L3MBTL4: variants seen among roughly 807,000 people sequenced by gnomAD.
The protein encoded by L3MBTL4 is lethal(3)malignant brain tumor-like protein 4.
L3MBTL4 carries 70 observed loss-of-function variants against 84.5 expected under a neutral mutation model. The ratio of observed to expected loss-of-function variants is 0.83; its 90% CI spans 0.68 to 1.01. The LOEUF is 1.01. Ranked by LOEUF, L3MBTL4 falls within the 50% of genes least tolerant of loss-of-function variation. The probability of loss-of-function intolerance (pLI) is 0.00; values close to 1 mark genes in which losing one functional copy is unlikely to be tolerated. For missense variants in L3MBTL4, 715 were observed against 754.8 expected, an observed-to-expected ratio of 0.95 and a Z score of 0.62; for synonymous variants, 274 against 259.8, an observed-to-expected ratio of 1.05 and a Z score of -0.52.
intron 12 of L3MBTL4, among the ~76,000 whole-genome samples, chr18:6,186,309 T>C (rs903830146): frequency 5.9e-5 from 9 of 152,046 alleles, no homozygotes; most frequent in African/African-American, 2.2e-4. Flanking sequence ...CCCAAAGTGC[T>C]GGGATTACAG....
chr18:5,967,851 A>C (rs1368560535), intron 17 of L3MBTL4, among the ~76,000 whole-genome samples: 1 of 152,240 alleles, frequency 6.6e-6, no homozygotes, highest in Non-Finnish European at 1.5e-5. Context: ...GAATGGCAGG[A>C]CAAGCAAGGG....
chr18:6,138,286 G>A lies in L3MBTL4; in HGVS notation c.1107C>T (p.Asp369=). 6.2e-7 allele frequency: 1 copy of A among 1,609,652 alleles called. No individual in the cohort carries two copies. Among genetic ancestry groups the A allele is most frequent in the Non-Finnish European group, 8.5e-7 (1 of 1,177,306 alleles). ...CAGCTTGACCTGGAAGGATCTTCAG[G>A]TCATTCGTTCCTTCAGGAAGTAAAA... ...HPLEVPQRTN[D]LKILPGQAVC... The change falls in exon 14 of 19, where the codon GAC becomes GAT. Residue 369 remains aspartate (D), a synonymous_variant. Transcript: ENST00000317931.
intron 1 of L3MBTL4, among the ~76,000 whole-genome samples, chr18:6,352,697 A>C (rs549669103): frequency 6.6e-6 from 1 of 152,364 alleles, no homozygotes; most frequent in East Asian, 1.9e-4. Flanking sequence ...TTCTGCCAGG[A>C]AAATGCAAAG....
chr18:6,238,987 C>T (rs1186475983), intron 9 of L3MBTL4, among the ~76,000 whole-genome samples: 1 of 151,790 alleles, frequency 6.6e-6, no homozygotes, highest in Non-Finnish European at 1.5e-5. Flanking sequence ...TACATTTTCT[C>T]TGCTCCCCAT....
At chr18:6,301,605 C>T (rs2050342361) in intron 4 of L3MBTL4, among the ~76,000 whole-genome samples, 1 of 152,110 alleles carries the variant, frequency 6.6e-6, no homozygotes, top group Non-Finnish European at 1.5e-5. Context: ...AACTAAATAG[C>T]ATCTCTTTAT....
chr18:6,315,089 A>G (rs401127), intron 1 of L3MBTL4, among the ~76,000 whole-genome samples: 7,419 of 152,336 alleles, frequency 0.049, 207 homozygotes, highest in East Asian at 0.11. Flanking sequence ...ACATGCCATT[A>G]AAAAATTACA....
At chr18:6,055,050 A>ACTCAGTATGACAGTAAG (rs1158874911) in intron 16 of L3MBTL4, among the ~76,000 whole-genome samples, 1 of 152,242 alleles carries the variant, frequency 6.6e-6, no homozygotes, top group Non-Finnish European at 1.5e-5. Context: ...AGACAGTATG[A>ACTCAGTATGACAGTAAG]CTAGATACCT....
rs114531354 is a variant in L3MBTL4, at chr18:5,971,596, C to A, written c.1445-2034G>T. Among the ~76,000 whole-genome samples the A allele has an allele frequency of 7.3e-3, 1,105 of 152,194 alleles. 17 individuals are homozygous for A. The highest frequency in any genetic ancestry group is 0.025 in the African/African-American group (1,049 of 41,516). ...GATGGTGATTAGATTTCTGTGATTC[C>A]CAAATGAAAGCTGAAGTCATTAAAA... On this transcript the variant is annotated intron_variant, in intron 16 of 18. Transcript: ENST00000317931.
At chr18:6,087,815 T>C (rs1490617619) in intron 15 of L3MBTL4, among the ~76,000 whole-genome samples, 1 of 152,226 alleles carries the variant, frequency 6.6e-6, no homozygotes, top group Non-Finnish European at 1.5e-5. Context: ...TAGTCTCTTC[T>C]ATGTGCCAGG....
intron 10 of L3MBTL4, among the ~76,000 whole-genome samples, chr18:6,235,866 ATAG>A (rs1246099293): frequency 1.3e-5 from 2 of 152,230 alleles, no homozygotes; most frequent in African/African-American, 4.8e-5. Context: ...GAAGAATAAA[ATAG>A]TAGCAAATTT....
intron 10 of L3MBTL4, among the ~76,000 whole-genome samples, chr18:6,229,271 A>C (rs898352815): frequency 6.6e-6 from 1 of 152,180 alleles, no homozygotes; most frequent in African/African-American, 2.4e-5. Context: ...AAGACTTGTA[A>C]TACAACTAAG....
At chr18:6,030,909 T>A in intron 16 of L3MBTL4, 4 of 985,128 alleles carry the variant, frequency 4.1e-6, no homozygotes, top group Non-Finnish European at 4.8e-6. Flanking sequence ...ACCCAGAGGT[T>A]TTTCCCTTTA....
chr18:6,223,594 G>A (rs1269148151), intron 10 of L3MBTL4, among the ~76,000 whole-genome samples: 1 of 152,188 alleles, frequency 6.6e-6, no homozygotes, highest in Non-Finnish European at 1.5e-5. Context: ...ATGCAATCAT[G>A]AGAATCCACA....
rs73383981 is a variant in L3MBTL4, at chr18:6,199,761, G to A, written c.981+13388C>T. ...TTGTTCTTGAATAAATGTAGTTTAC[G>A]GAGGCAGCTGAAATGAAAAAACTCA... On this transcript the variant is annotated intron_variant, in intron 12 of 18. Coordinates refer to ENST00000317931, the MANE Select transcript of L3MBTL4 (RefSeq NM_001330559.2). 1.0e-3 allele frequency among the ~76,000 whole-genome samples: 158 copies of A among 152,278 alleles called. 1 individual carries two copies. The highest frequency in any genetic ancestry group is 3.6e-3 in the African/African-American group (151 of 41,544).
intron 16 of L3MBTL4, among the ~76,000 whole-genome samples, chr18:6,000,418 G>A (rs1019622397): frequency 2.6e-5 from 4 of 152,164 alleles, no homozygotes; most frequent in African/African-American, 4.8e-5. Context: ...CAGGAATAGA[G>A]ATGGAACTCG....
chr18:6,001,465 AC>A (rs1410847091), intron 16 of L3MBTL4, among the ~76,000 whole-genome samples: 4 of 152,000 alleles, frequency 2.6e-5, no homozygotes, highest in Non-Finnish European at 5.9e-5. Flanking sequence ...CAATTAAAAA[AC>A]CCCAAACAAA....
intron 14 of L3MBTL4, among the ~76,000 whole-genome samples, chr18:6,110,391 G>T (rs1454733733): frequency 6.6e-6 from 1 of 152,072 alleles, no homozygotes; most frequent in Non-Finnish European, 1.5e-5. Flanking sequence ...TGTATGTGTG[G>T]GGGCTGCATG....
intron 14 of L3MBTL4, among the ~76,000 whole-genome samples, chr18:6,112,245 C>T (rs926152992): frequency 6.6e-6 from 1 of 152,170 alleles, no homozygotes; most frequent in African/African-American, 2.4e-5. Context: ...TGTTCTGTCT[C>T]TAAAATTATA....
chr18:5,965,601 C>T (rs2052313664), intron 17 of L3MBTL4, among the ~76,000 whole-genome samples: 3 of 152,144 alleles, frequency 2.0e-5, no homozygotes, highest in African/African-American at 7.2e-5. Flanking sequence ...CTAAGCAGCC[C>T]CACACTCTGC....
Sources: allele counts gnomAD v4.1 joint callset (sites outside exome capture counted in the v4.1 genomes callset), GRCh38; gene constraint gnomAD v4.1.1; transcripts MANE v1.5; gene names NCBI Gene and HGNC (gene_info 2026-07-23, HGNC 2026-07-21).